Variants in KDM6A observed in about 807,000 individuals in gnomAD.
The protein encoded by KDM6A is lysine demethylase 6A.
KDM6A carries 11 observed loss-of-function variants against 117.6 expected under a neutral mutation model. The ratio of observed to expected loss-of-function variants is 0.09; its 90% CI spans 0.06 to 0.15. The LOEUF is 0.15. KDM6A is among the 10% of genes least tolerant of loss of function. The probability of loss-of-function intolerance (pLI) is 1.00; values close to 1 mark genes in which losing one functional copy is unlikely to be tolerated. For synonymous variants in KDM6A, 384 were observed against 396.1 expected (o/e 0.97, Z 0.36); for missense variants, 799 against 1,077.3 (o/e 0.74, Z 3.62).
At chrX:44,965,099 C>T (rs2038941095) in intron 3 of KDM6A, among the ~76,000 whole-genome samples, 1 of 112,295 alleles carries the variant, frequency 8.9e-6, no homozygotes, top group Non-Finnish European at 1.9e-5. Context: ...CCAACCTCTG[C>T]TAGCTTTACA....
intron 4 of KDM6A, among the ~76,000 whole-genome samples, chrX:45,002,696 T>G (rs1172754442): frequency 8.9e-6 from 1 of 111,764 alleles, no homozygotes; most frequent in African/African-American, 3.3e-5. Context: ...TTGCATAAAT[T>G]CCCTTTTATA....
chrX:45,007,737 A>G (rs1460865944), intron 4 of KDM6A, among the ~76,000 whole-genome samples: 1 of 111,530 alleles, frequency 9.0e-6, no homozygotes, highest in Non-Finnish European at 1.9e-5. Flanking sequence ...AGTTTAGTCA[A>G]CACACAAGTA....
intron 4 of KDM6A, among the ~76,000 whole-genome samples, chrX:44,987,617 TC>T (rs1183763567): frequency 8.9e-6 from 1 of 111,760 alleles, no homozygotes; most frequent in Non-Finnish European, 1.9e-5. Context: ...TGATAAAATC[TC>T]TTAGCATTTG....
At chrX:45,045,752 T>A (rs191531809) in intron 8 of KDM6A, among the ~76,000 whole-genome samples, 2 of 111,688 alleles carry the variant, frequency 1.8e-5, no homozygotes, top group East Asian at 5.6e-4. Flanking sequence ...ATTTTGTTTA[T>A]CCATTTCATC....
chrX:44,975,694 A>G (rs1370024487), intron 4 of KDM6A, among the ~76,000 whole-genome samples: 2 of 112,045 alleles, frequency 1.8e-5, no homozygotes, highest in East Asian at 5.6e-4. Context: ...ATTTTTAGTA[A>G]ATTTTCAGAG....
intron 2 of KDM6A, among the ~76,000 whole-genome samples, chrX:44,893,672 G>T (rs918128242): frequency 1.8e-5 from 2 of 109,789 alleles, no homozygotes; most frequent in African/African-American, 6.6e-5. Context: ...ACCATGCCTG[G>T]CTAATTTTTT....
rs368301617 is a variant in KDM6A at position 44,884,855 on chromosome X, A to G, written c.225+10868A>G. ...AATTTACATACATGTTTGACTGCCT[A>G]CTTGACTACCTTGGTATCTTGAAGG... On this transcript the variant is annotated intron_variant, in intron 2 of 29. Transcript: ENST00000611820. Among the ~76,000 whole-genome samples the G allele has an allele frequency of 1.6e-4, 18 of 111,782 alleles. No homozygotes were observed. In the East Asian group the frequency reaches 2.0e-3, roughly 12 times the overall value.
chrX:44,987,450 A>G (rs1042460100), intron 4 of KDM6A, among the ~76,000 whole-genome samples: 2 of 111,270 alleles, frequency 1.8e-5, no homozygotes, highest in African/African-American at 6.6e-5. Context: ...TCCTGTCATT[A>G]TGATGTTAGC....
rs1245277829 is a variant in KDM6A at position 44,873,396 on chromosome X, C to T, written c.-156C>T. 12 of 801,513 alleles carry T rather than the reference C, an allele frequency of 1.5e-5. 1 individual carries two copies. In the Admixed American group the frequency reaches 2.6e-4, roughly 17 times the overall value. The allele number at this position is 801,513 out of a possible 1,213,427, so 66.1% of individuals were successfully genotyped here. A position where few individuals can be genotyped will look rare whatever the true frequency, so the allele number is the denominator to read the frequency against. On this transcript the variant is annotated 5_prime_UTR_variant, in exon 1 of 30. Coordinates refer to ENST00000611820, the MANE Select transcript of KDM6A (RefSeq NM_001291415.2). ...CCGCCGCCGCCGCCGCCTTCACCGC[C>T]GCCGCGTTGGGATTTTTCGTCGCCG... is the stretch of plus-strand genomic sequence containing the variant.
chrX:45,008,979 G>C, intron 4 of KDM6A, among the ~76,000 whole-genome samples: 1 of 111,450 alleles, frequency 9.0e-6, no homozygotes, highest in Non-Finnish European at 1.9e-5. Flanking sequence ...TTTCTAGAAA[G>C]ATACTTAGAA....
chrX:45,007,323 C>T (rs2041546672), intron 4 of KDM6A, among the ~76,000 whole-genome samples: 1 of 111,646 alleles, frequency 9.0e-6, no homozygotes. Context: ...CTTGATTTGG[C>T]TCCTTCCAGC....
chrX:44,883,379 A>T (rs901712308), intron 2 of KDM6A, among the ~76,000 whole-genome samples: 2 of 108,344 alleles, frequency 1.8e-5, no homozygotes, highest in African/African-American at 6.8e-5. Context: ...TGGAGCAGTT[A>T]GTTTGTTTTT....
chrX:45,016,209 T>A (rs2041952276), intron 5 of KDM6A, among the ~76,000 whole-genome samples: 1 of 111,544 alleles, frequency 9.0e-6, no homozygotes, highest in East Asian at 2.8e-4. Flanking sequence ...TTTTAAAATC[T>A]TACCTACCTG....
intron 5 of KDM6A, among the ~76,000 whole-genome samples, chrX:45,019,877 C>T (rs1374016267): frequency 9.0e-6 from 1 of 111,331 alleles, no homozygotes; most frequent in Non-Finnish European, 1.9e-5. Context: ...TTTCCCCAAC[C>T]CCTGAACTTG....
chrX:44,965,859 C>T (rs2038981161), intron 3 of KDM6A, among the ~76,000 whole-genome samples: 2 of 112,120 alleles, frequency 1.8e-5, no homozygotes, highest in African/African-American at 6.5e-5. Context: ...TTGTAAAGAA[C>T]GCAAATATCT....
At chrX:44,993,877 C>T (rs1312626746) in intron 4 of KDM6A, among the ~76,000 whole-genome samples, 5 of 111,731 alleles carry the variant, frequency 4.5e-5, no homozygotes, top group Non-Finnish European at 9.4e-5. Flanking sequence ...GAAAAAAAAG[C>T]TCTCGTCTTT....
chrX:44,990,412 C>T lies in KDM6A; in HGVS notation c.384+15697C>T, dbSNP rs902482334. Among the ~76,000 whole-genome samples the T allele has an allele frequency of 9.1e-5, 10 of 110,136 alleles. No individual in the cohort carries two copies. In the East Asian group the frequency reaches 1.7e-3, roughly 19 times the overall value. ...AAAATTAGCCCAATGTGGTGGCACGCGCTTGTAATCCCAGCTACTCAGGAG... is the reference window on the plus strand; with the variant it reads ...AAAATTAGCCCAATGTGGTGGCACGTGCTTGTAATCCCAGCTACTCAGGAG... On this transcript the variant is annotated intron_variant, in intron 4 of 29. Coordinates refer to ENST00000611820, the MANE Select transcript of KDM6A (RefSeq NM_001291415.2).
At chrX:45,005,927 A>C (rs2041417493) in intron 4 of KDM6A, among the ~76,000 whole-genome samples, 1 of 92,459 alleles carries the variant, frequency 1.1e-5, no homozygotes, top group African/African-American at 4.1e-5. Flanking sequence ...CCTGTAAGCC[A>C]CCCCAACCAA....
intron 29 of KDM6A, 132 bp from the exon 30 acceptor site, chrX:45,111,250 T>C: frequency 3.8e-6 from 2 of 528,277 alleles, no homozygotes; most frequent in Admixed American, 2.6e-5. Flanking sequence ...GGCTGTACTT[T>C]TATGTTGCAT....
Sources: gnomAD v4.1 joint callset for allele counts (sites outside exome capture counted in the v4.1 genomes callset) on GRCh38, gnomAD v4.1.1 for gene constraint, MANE v1.5 for transcripts, NCBI Gene and HGNC (gene_info 2026-07-23, HGNC 2026-07-21) for gene names.